KIF21A: variants seen among roughly 807,000 people sequenced by gnomAD.
KIF21A encodes the protein kinesin-like protein KIF21A.
KIF21A carries 114 observed loss-of-function variants against 202.9 expected under a neutral mutation model. The observed-to-expected ratio is 0.56, with a 90% CI of 0.48 to 0.66. The LOEUF is 0.66. Among genes scored for constraint, KIF21A ranks in the 30% least tolerant of loss-of-function variants. KIF21A has a pLI of 0.00. For missense variants in KIF21A, 1,677 were observed against 1,994.9 expected (o/e 0.84, Z 3.04); for synonymous variants, 667 against 670.8 (o/e 0.99, Z 0.09).
rs988674826 is a variant in KIF21A at position 39,346,470 on chromosome 12, T to C, written c.1708A>G (p.Arg570Gly). ...QKLEESNREE[R>G]SVAGKEDNTD... The stretch of plus-strand genomic sequence containing the variant: ...AAACCTGGGAAATATTCCAACCTTC[T>C]TTCTTCTCGATTGCTTTCCTCAAGT... Residue 570 changes from arginine (R) to glycine (G), a missense_variant, in exon 12 of 38, where the codon AGA becomes GGA. Transcript: ENST00000361418. 2.4e-5 allele frequency: 35 copies of C among 1,475,818 alleles called. No homozygotes were observed. Among genetic ancestry groups the C allele is most frequent in the Admixed American group, 1.8e-4 (8 of 43,986 alleles). The allele number at this position is 1,475,818 out of a possible 1,614,324, so 91.4% of individuals were successfully genotyped here.
chr12:39,358,891 T>C (rs1948994662), intron 7 of KIF21A, among the ~76,000 whole-genome samples: 1 of 152,174 alleles, frequency 6.6e-6, no homozygotes, highest in Non-Finnish European at 1.5e-5. Flanking sequence ...AGAATTACAG[T>C]TTCTGGCCAG....
Position 39,357,018 on chromosome 12 carries a change from C to T in KIF21A, c.1406-123G>A, listed in dbSNP as rs900393773. The T allele has an allele frequency of 2.7e-5, 18 of 672,762 alleles. No homozygotes were observed. In the African/African-American group the frequency reaches 2.9e-4, roughly 11 times the overall value. The allele number at this position is 672,762 out of a possible 1,614,324, so 41.7% of individuals were successfully genotyped here. A position where few individuals can be genotyped will look rare whatever the true frequency, so the allele number is the denominator to read the frequency against. Reference sequence around the variant, plus strand: ...AAACACAATTCTTACAGCAAATTTTCTACCCTTTATTACATGAGCAGACCA... The same window carrying T: ...AAACACAATTCTTACAGCAAATTTTTTACCCTTTATTACATGAGCAGACCA... On this transcript the variant is annotated intron_variant, in intron 9 of 37. Transcript: ENST00000361418.
At chr12:39,379,069 T>C (rs1489324689) in intron 1 of KIF21A, among the ~76,000 whole-genome samples, 2 of 152,124 alleles carry the variant, frequency 1.3e-5, no homozygotes, top group African/African-American at 4.8e-5. Context: ...TGGTGATTCA[T>C]GCCTGTAATC....
intron 37 of KIF21A, among the ~76,000 whole-genome samples, chr12:39,299,479 G>A (rs1234287792): frequency 6.6e-6 from 1 of 152,032 alleles, no homozygotes; most frequent in African/African-American, 2.4e-5. Flanking sequence ...TGTGGAAAAA[G>A]GGAACACTTA....
intron 1 of KIF21A, among the ~76,000 whole-genome samples, chr12:39,441,446 T>C (rs906276943): frequency 1.3e-5 from 2 of 151,942 alleles, no homozygotes; most frequent in Non-Finnish European, 2.9e-5. Context: ...TTATTGGGTT[T>C]TCTGTCTTTT....
In KIF21A at chr12:39,315,237, G is replaced by T; in HGVS notation, c.3951C>A (p.Ser1317=). 1 of 1,611,934 alleles carries T rather than the reference G, an allele frequency of 6.2e-7. No individual in the cohort carries two copies. The highest frequency in any genetic ancestry group is 8.5e-7 in the Non-Finnish European group (1 of 1,178,588). The change falls in exon 31 of 38, where the codon TCC becomes TCA. Residue 1317 remains serine, a synonymous_variant. Transcript: ENST00000361418. ...TCCCTTCCCCTGCCTACCTTCTGGAGGATCTGCTGATGATCAGCAAAAATG... is the reference window on the plus strand; with the variant it reads ...TCCCTTCCCCTGCCTACCTTCTGGATGATCTGCTGATGATCAGCAAAAATG... The part of the protein sequence containing the change: ...SDSSLSEVHR[S]SRRGIINPFP...
At chr12:39,337,032 T>C (rs1947036814) in intron 17 of KIF21A, 64 bp downstream of exon 17, 6 of 1,147,452 alleles carry the variant, frequency 5.2e-6, no homozygotes, top group Non-Finnish European at 7.8e-6. Context: ...TTTTCCTCCA[T>C]TTATTAAACA....
At position 39,301,465 on chromosome 12, in the gene KIF21A, T is replaced by C. The variant is rs371213650; in HGVS notation, c.4931+15A>G. 5.0e-6 allele frequency: 8 copies of C among 1,603,712 alleles called. No homozygotes were observed. The highest frequency in any genetic ancestry group is 1.3e-5 in the African/African-American group (1 of 74,714). The stretch of plus-strand genomic sequence containing the variant: ...AAGCAACCAATATAGAGAAAAATCA[T>C]ATAAGAAAACTTACTCAGCTGCAGT... On this transcript the variant is annotated intron_variant, in intron 37 of 37. Coordinates refer to ENST00000361418, the MANE Select transcript of KIF21A (RefSeq NM_001173464.2).
chr12:39,330,512 T>G (rs1946419332), intron 23 of KIF21A, among the ~76,000 whole-genome samples: 1 of 152,224 alleles, frequency 6.6e-6, no homozygotes, highest in South Asian at 2.1e-4. Flanking sequence ...CCATAAAAAC[T>G]AATTGCTCAA....
chr12:39,318,098 C>T lies in KIF21A; in HGVS notation c.3883G>A (p.Gly1295Arg). The T allele has an allele frequency of 6.2e-7, 1 of 1,612,912 alleles. No homozygotes were observed. The highest frequency in any genetic ancestry group is 8.5e-7 in the Non-Finnish European group (1 of 1,179,172). The change falls in exon 29 of 38, where the codon GGA becomes AGA. Residue 1295 changes from glycine to arginine, a missense_variant. By Grantham distance (125) the Gly-to-Arg change is moderately radical. Transcript: ENST00000361418. ...NVFNRLTVSQ[G>R]NTSVQQDKSD... ...TTATCCTGCTGAACTGATGTGTTTC[C>T]CTGAGAAACAGTAAGACGATTAAAA...
intron 1 of KIF21A, among the ~76,000 whole-genome samples, chr12:39,427,133 G>T (rs758386465): frequency 3.3e-5 from 5 of 152,120 alleles, no homozygotes; most frequent in Middle Eastern, 3.2e-3. Flanking sequence ...TATGTTGAGT[G>T]CACTTGATCT....
At chr12:39,303,418 C>T (rs1943153376) in intron 35 of KIF21A, among the ~76,000 whole-genome samples, 1 of 152,162 alleles carries the variant, frequency 6.6e-6, no homozygotes, top group South Asian at 2.1e-4. Context: ...CTTACCTCAA[C>T]CTCCCGAGTA....
chr12:39,437,289 G>C (rs549752064), intron 1 of KIF21A, among the ~76,000 whole-genome samples: 3 of 152,160 alleles, frequency 2.0e-5, no homozygotes, highest in African/African-American at 7.2e-5. Context: ...AGCTCAAGGG[G>C]TAGTAATAAT....
intron 27 of KIF21A, 29 bp downstream of exon 27, chr12:39,322,639 A>C (rs1945406176): frequency 6.4e-7 from 1 of 1,552,874 alleles, no homozygotes; most frequent in Admixed American, 1.7e-5. Context: ...CCAAAAGAAA[A>C]GAAGTTAGTG....
intron 29 of KIF21A, among the ~76,000 whole-genome samples, chr12:39,316,913 CAA>C (rs1944612305): frequency 6.6e-6 from 1 of 152,060 alleles, no homozygotes. Context: ...TCAAGATTAT[CAA>C]AAGATTGACA....
chr12:39,430,727 C>T (rs1937768943), intron 1 of KIF21A, among the ~76,000 whole-genome samples: 1 of 151,936 alleles, frequency 6.6e-6, no homozygotes, highest in Non-Finnish European at 1.5e-5. Context: ...TTGAATGTGT[C>T]CCCAAATTTC....
Position 39,399,015 on chromosome 12 carries a change from A to G in KIF21A, c.45-28754T>C, listed in dbSNP as rs925673609. Among the ~76,000 whole-genome samples, 5 of 152,184 alleles carry G rather than the reference A, an allele frequency of 3.3e-5. No individual in the cohort carries two copies. In the South Asian group the frequency reaches 1.0e-3, roughly 32 times the overall value. ...GAGGCAGGAGAATCACTTGAGCACA[A>G]GAGTTCAAGACCAGCCTAGGCAACA... On this transcript the variant is annotated intron_variant, in intron 1 of 37. Transcript: ENST00000361418.
chr12:39,369,485 A>G (rs1949815373), intron 3 of KIF21A, among the ~76,000 whole-genome samples: 2 of 152,166 alleles, frequency 1.3e-5, no homozygotes, highest in African/African-American at 4.8e-5. Flanking sequence ...GGGTTCTTAA[A>G]TAAACAATAT....
chr12:39,311,701 AGGACAAAGTGTGAAATAATAATAGTGAT>A lies in KIF21A; in HGVS notation c.3960-176_3960-149del, dbSNP rs1592074669. ...TCCAGACTGCTCTCTTTTAAGCAAA[AGGACAAAGTGTGAAATAATAATAGTGAT>A]GGAGTATATCAACTAATCAGGCATC... On this transcript the variant is annotated intron_variant, in intron 31 of 37. Coordinates refer to ENST00000361418, the MANE Select transcript of KIF21A (RefSeq NM_001173464.2). 9.3e-6 allele frequency: 7 copies of A among 755,212 alleles called. No individual in the cohort carries two copies. The East Asian group carries it at 1.9e-4, about 21-fold the overall frequency. The allele number at this position is 755,212 out of a possible 1,614,324, so 46.8% of individuals were successfully genotyped here.
Sources: allele counts gnomAD v4.1 joint callset (sites outside exome capture counted in the v4.1 genomes callset), GRCh38; gene constraint gnomAD v4.1.1; transcripts MANE v1.5; gene names NCBI Gene and HGNC (gene_info 2026-07-23, HGNC 2026-07-21).